The following AKT3 variants were observed in gnomAD, a reference collection of about 807,000 sequenced individuals.
The protein encoded by AKT3 is AKT serine/threonine kinase 3, also known as RAC-gamma serine/threonine-protein kinase.
A neutral mutation model predicts 65.3 loss-of-function variants in AKT3; 15 were observed. That is an observed-to-expected ratio of 0.23 (90% CI 0.15 to 0.35). The LOEUF (loss-of-function observed/expected upper bound fraction) is 0.35, where lower values mean the gene tolerates loss of function less well. Ranked by LOEUF, AKT3 falls within the 10% of genes least tolerant of loss-of-function variation. AKT3 has a pLI of 1.00. For synonymous variants in AKT3, 206 were observed against 183.8 expected, an observed-to-expected ratio of 1.12 and a Z score of -0.98; for missense variants, 243 against 576.5, an observed-to-expected ratio of 0.42 and a Z score of 5.92.
At chr1:243,749,922 A>G (rs904041712) in intron 2 of AKT3, among the ~76,000 whole-genome samples, 1 of 152,138 alleles carries the variant, frequency 6.6e-6, no homozygotes, top group Non-Finnish European at 1.5e-5. Flanking sequence ...TTGTCCTTGA[A>G]TCCTGAAATA....
intron 2 of AKT3, among the ~76,000 whole-genome samples, chr1:243,721,705 A>C (rs1035478181): frequency 4.5e-5 from 5 of 111,564 alleles, no homozygotes; most frequent in African/African-American, 1.3e-4. Context: ...AGGAGTTAAT[A>C]ACCCTGGGAA....
rs576739896 is a variant in AKT3 at position 243,715,865 on chromosome 1, T to TTG, written c.47-20150_47-20149insCA. ...GAGGATATGTGTGTACACTGAATAC[T>TTG]CCATTTAGTGATAATACTTAGGGTA... On this transcript the variant is annotated intron_variant, in intron 2 of 13. Transcript: ENST00000673466. Among the ~76,000 whole-genome samples the TTG allele has an allele frequency of 3.9e-4, 59 of 152,196 alleles. No individual in the cohort carries two copies. In the South Asian group the frequency reaches 0.012, roughly 30 times the overall value.
chr1:243,816,860 T>C (rs1020719152), intron 2 of AKT3, among the ~76,000 whole-genome samples: 1 of 152,184 alleles, frequency 6.6e-6, no homozygotes, highest in African/African-American at 2.4e-5. Flanking sequence ...CCATGGTGGA[T>C]TACAGGAGGC....
chr1:243,722,493 C>T (rs1409861605), intron 2 of AKT3, among the ~76,000 whole-genome samples: 1 of 152,102 alleles, frequency 6.6e-6, no homozygotes, highest in Non-Finnish European at 1.5e-5. Flanking sequence ...GCATTTCCCC[C>T]ATCACATAAC....
At chr1:243,630,462 G>C (rs1281513752) in intron 6 of AKT3, among the ~76,000 whole-genome samples, 1 of 152,152 alleles carries the variant, frequency 6.6e-6, no homozygotes, top group East Asian at 1.9e-4. Context: ...CACTCAGAAA[G>C]GGAGAAATTG....
chr1:243,533,115 T>C (rs1671658228), intron 12 of AKT3, among the ~76,000 whole-genome samples: 1 of 152,224 alleles, frequency 6.6e-6, no homozygotes, highest in Non-Finnish European at 1.5e-5. Context: ...CGGTCATTAT[T>C]CTCTATTGCT....
At chr1:243,649,334 T>TGG (rs1425668251) in intron 4 of AKT3, among the ~76,000 whole-genome samples, 1 of 150,574 alleles carries the variant, frequency 6.6e-6, no homozygotes, top group East Asian at 1.9e-4. Flanking sequence ...TGTGTGTGTG[T>TGG]GTGTGTGTGT....
chr1:243,699,803 T>C (rs1451679612), intron 2 of AKT3, among the ~76,000 whole-genome samples: 1 of 152,048 alleles, frequency 6.6e-6, no homozygotes, highest in Non-Finnish European at 1.5e-5. Flanking sequence ...CCCTGGAGAA[T>C]TATCTAGGTA....
intron 13 of AKT3, among the ~76,000 whole-genome samples, chr1:243,489,767 C>T (rs1173663754): frequency 6.6e-6 from 1 of 152,162 alleles, no homozygotes. Flanking sequence ...TTACAGCTGG[C>T]AAGTAGGGAC....
chr1:243,535,143 AATTTTAAAATAT>A (rs913760809), intron 12 of AKT3, among the ~76,000 whole-genome samples: 2 of 141,656 alleles, frequency 1.4e-5, no homozygotes, highest in African/African-American at 5.2e-5. Context: ...TAAAATTAAA[AATTTTAAAATAT>A]ATTTTAAAAT....
chr1:243,807,064 T>C (rs985111717), intron 2 of AKT3, among the ~76,000 whole-genome samples: 1 of 152,192 alleles, frequency 6.6e-6, no homozygotes, highest in Admixed American at 6.5e-5. Flanking sequence ...AGTTCCAAGA[T>C]GGCCGAATAG....
At chr1:243,728,636 A>G (rs1219927628) in intron 2 of AKT3, among the ~76,000 whole-genome samples, 1 of 152,234 alleles carries the variant, frequency 6.6e-6, no homozygotes, top group Non-Finnish European at 1.5e-5. Flanking sequence ...CTGTCTGGTC[A>G]TATGCTGTCA....
chr1:243,583,332 T>C (rs1074657), intron 8 of AKT3, among the ~76,000 whole-genome samples: 78,538 of 148,216 alleles, frequency 0.53, 23,883 homozygotes, highest in Non-Finnish European at 0.68. Flanking sequence ...ACAATAATAG[T>C]GGGGGACTTC....
chr1:243,565,357 G>A (rs1465957545), intron 9 of AKT3, among the ~76,000 whole-genome samples: 1 of 152,162 alleles, frequency 6.6e-6, no homozygotes, highest in Non-Finnish European at 1.5e-5. Flanking sequence ...CTGAATGGCT[G>A]GGAACACGGG....
At chr1:243,708,598 T>G (rs1050010252) in intron 2 of AKT3, among the ~76,000 whole-genome samples, 1 of 152,018 alleles carries the variant, frequency 6.6e-6, no homozygotes, top group Non-Finnish European at 1.5e-5. Context: ...AAAGATTTTC[T>G]TAAAACCAAG....
intron 2 of AKT3, among the ~76,000 whole-genome samples, chr1:243,708,665 A>C (rs1685960403): frequency 6.6e-6 from 1 of 152,040 alleles, no homozygotes; most frequent in South Asian, 2.1e-4. Flanking sequence ...TCCAAAATAC[A>C]ATAAAATAAA....
intron 2 of AKT3, among the ~76,000 whole-genome samples, chr1:243,822,979 A>G (rs1014397996): frequency 3.3e-5 from 5 of 152,198 alleles, no homozygotes; most frequent in Non-Finnish European, 7.3e-5. Flanking sequence ...TGAAACAAAA[A>G]AAGAAAACTT....
rs1282922454 is a variant in AKT3, at chr1:243,489,128, G to C, written c.*7-678C>G. ...AGAGCCTGTCGGAAGAGGTGGACCG[G>C]CTGCGGACCCAGGTACTGTGCAGAA... is the stretch of plus-strand genomic sequence containing the variant. On this transcript the variant is annotated intron_variant, in intron 13 of 13. Transcript: ENST00000336199. 1.2e-6 allele frequency: 2 copies of C among 1,612,430 alleles called. No individual in the cohort carries two copies. The highest frequency in any genetic ancestry group is 2.7e-5 in the African/African-American group (2 of 74,920).
chr1:243,566,853 ATG>A (rs1674194992), intron 9 of AKT3, among the ~76,000 whole-genome samples: 1 of 152,232 alleles, frequency 6.6e-6, no homozygotes, highest in Non-Finnish European at 1.5e-5. Context: ...AATTGTCATG[ATG>A]TGGGCTCTTC....
Sources: allele counts gnomAD v4.1 joint callset (sites outside exome capture counted in the v4.1 genomes callset), GRCh38; gene constraint gnomAD v4.1.1; transcripts MANE v1.5; gene names NCBI Gene and HGNC (gene_info 2026-07-23, HGNC 2026-07-21).